The following ANK2 variants were observed in gnomAD, a reference collection of about 807,000 sequenced individuals.
ANK2 encodes ankyrin 2, also known as ankyrin-2.
A neutral mutation model predicts 360.5 loss-of-function variants in ANK2; 83 were observed. That is an observed-to-expected ratio of 0.23 (90% confidence interval 0.19 to 0.28). The LOEUF is 0.28. Ranked by LOEUF, ANK2 falls within the 10% of genes least tolerant of loss-of-function variation. The pLI is 1.00. For synonymous variants in ANK2, 1,740 were observed against 1,759.5 expected (o/e 0.99, Z 0.28); for missense variants, 4,201 against 4,795.7 (o/e 0.88, Z 3.66).
At chr4:113,242,019 G>A (rs1324931803) in intron 8 of ANK2, 92 bp from the exon 9 acceptor site, 3 of 1,012,170 alleles carry the variant, frequency 3.0e-6, no homozygotes, top group South Asian at 1.3e-5. Context: ...TACCACGTAG[G>A]TCACAACTTC....
At chr4:112,773,671 C>T in the ANK2 span, among the ~76,000 whole-genome samples, 1 of 152,198 alleles carries the variant, frequency 6.6e-6, no homozygotes, top group Non-Finnish European at 1.5e-5. Context: ...TCAACTTGTG[C>T]CAAGACAGTT....
the ANK2 span, chr4:112,798,670 T>C: frequency 6.6e-6 from 1 of 152,226 alleles, no homozygotes; most frequent in East Asian, 1.9e-4. Context: ...TGTGTAAAAG[T>C]AGAGTCCACT....
At chr4:112,735,550 C>T in the ANK2 span, among the ~76,000 whole-genome samples, 1 of 152,154 alleles carries the variant, frequency 6.6e-6, no homozygotes, top group Non-Finnish European at 1.5e-5. Flanking sequence ...TGCCACCCAT[C>T]TTCCCACAAG....
At chr4:112,785,182 G>C in the ANK2 span, among the ~76,000 whole-genome samples, 1 of 152,124 alleles carries the variant, frequency 6.6e-6, no homozygotes, top group Non-Finnish European at 1.5e-5. Flanking sequence ...GTACATCTGG[G>C]TTGTTGGTGG....
intron 2 of ANK2, among the ~76,000 whole-genome samples, chr4:113,181,398 T>C (rs1174398637): frequency 2.6e-5 from 4 of 152,164 alleles, no homozygotes; most frequent in Non-Finnish European, 5.9e-5. Context: ...CGCAGCATTT[T>C]TTTCTGCCGG....
chr4:112,732,683 G>T, the ANK2 span, among the ~76,000 whole-genome samples: 2 of 152,214 alleles, frequency 1.3e-5, no homozygotes, highest in African/African-American at 4.8e-5. Context: ...ACAATTGAGT[G>T]TTGGGACGCA....
chr4:113,104,417 T>G (rs377184944), intron 1 of ANK2, among the ~76,000 whole-genome samples: 1 of 152,112 alleles, frequency 6.6e-6, no homozygotes, highest in African/African-American at 2.4e-5. Flanking sequence ...GTGAAAAACA[T>G]GTATAATTTG....
chr4:113,284,782 T>C (rs1460934564), intron 18 of ANK2, among the ~76,000 whole-genome samples: 1 of 152,146 alleles, frequency 6.6e-6, no homozygotes, highest in Non-Finnish European at 1.5e-5. Context: ...TAATACAATA[T>C]ACAAAATTTA....
In ANK2 at chr4:112,997,302, A is replaced by G. The variant is rs887607848; in HGVS notation, c.21+92788A>G. On this transcript the variant is annotated intron_variant, in intron 2 of 30. Coordinates refer to the ANK2 transcript ENST00000503271. The stretch of plus-strand genomic sequence containing the variant: ...TCTCTTTAGCAATTTTCAAGTACAC[A>G]GTAAGTTGTTATTAACTAGAGTCAC... 4.6e-5 allele frequency among the ~76,000 whole-genome samples: 7 copies of G among 152,134 alleles called. 1 individual carries two copies. Among genetic ancestry groups the G allele is most frequent in the Non-Finnish European group, 8.8e-5 (6 of 67,996 alleles).
At chr4:112,763,579 C>G in the ANK2 span, among the ~76,000 whole-genome samples, 1 of 147,990 alleles carries the variant, frequency 6.8e-6, no homozygotes, top group Non-Finnish European at 1.5e-5. Context: ...GTTGCCCAGG[C>G]TGGAGTGCAG....
intron 4 of ANK2, among the ~76,000 whole-genome samples, chr4:113,210,117 GT>G (rs1230080501): frequency 6.6e-6 from 1 of 152,116 alleles, no homozygotes; most frequent in Non-Finnish European, 1.5e-5. Context: ...TGCTCATCAA[GT>G]TTCTTATTTA....
At chr4:113,170,897 G>T (rs552764801) in intron 1 of ANK2, among the ~76,000 whole-genome samples, 87 of 152,256 alleles carry the variant, frequency 5.7e-4, no homozygotes, top group African/African-American at 1.9e-3. Flanking sequence ...GATTAAAATA[G>T]GTGGGGCTCA....
intron 1 of ANK2, among the ~76,000 whole-genome samples, chr4:113,073,920 C>T (rs2078834771): frequency 6.6e-6 from 1 of 152,078 alleles, no homozygotes; most frequent in Non-Finnish European, 1.5e-5. Flanking sequence ...GCTGAAAATT[C>T]CATTAATGAT....
chr4:112,966,151 G>A (rs1231167784), intron 2 of ANK2, among the ~76,000 whole-genome samples: 2 of 151,540 alleles, frequency 1.3e-5, no homozygotes, highest in African/African-American at 4.8e-5. Context: ...AACTACTTCA[G>A]AAAGAAACTA....
intron 4 of ANK2, among the ~76,000 whole-genome samples, chr4:113,200,340 T>A (rs941657114): frequency 6.6e-6 from 1 of 152,212 alleles, no homozygotes; most frequent in African/African-American, 2.4e-5. Flanking sequence ...ACCTAAGTGA[T>A]TCAAAACTTT....
At chr4:112,875,422 C>T (rs1222490607) in intron 1 of ANK2, among the ~76,000 whole-genome samples, 3 of 151,960 alleles carry the variant, frequency 2.0e-5, no homozygotes, top group Non-Finnish European at 4.4e-5. Flanking sequence ...AAGTGATCCT[C>T]CTGGCTTAGC....
chr4:113,263,941 C>T (rs2054467996), intron 13 of ANK2, among the ~76,000 whole-genome samples: 2 of 152,124 alleles, frequency 1.3e-5, no homozygotes, highest in Admixed American at 6.5e-5. Context: ...TTCTCTTAAT[C>T]AAACCCTTGT....
intron 22 of ANK2, among the ~76,000 whole-genome samples, chr4:113,295,562 C>A (rs1165447807): frequency 1.3e-5 from 2 of 152,104 alleles, no homozygotes; most frequent in African/African-American, 2.4e-5. Context: ...CCTTTTAGAA[C>A]CCCCTCTGTG....
Position 113,357,070 on chromosome 4 carries a change from C to G in ANK2, c.8452C>G (p.His2818Asp), listed in dbSNP as rs2095834186. 6.2e-7 allele frequency: 1 copy of G among 1,613,918 alleles called. No homozygotes were observed. The highest frequency in any genetic ancestry group is 1.1e-5 in the South Asian group (1 of 91,070). The change falls in exon 38 of 46, where the codon CAT becomes GAT. Residue 2818 changes from histidine (H) to aspartate (D), a missense_variant. Physicochemically the swap from His to Asp is moderately conservative, Grantham distance 81 (BLOSUM62 -1). Around this residue, in one of 4 missense-constraint regions of ANK2, gnomAD observed 2,642 missense variants for 2,714.5 expected, o/e 0.97. Coordinates refer to ENST00000357077, the MANE Select transcript of ANK2 (RefSeq NM_001148.6). ...AGAATCATTAGCTCTCCAAGGCACT[C>G]ATGAAAAAGACACAGAGGGAGAAGA... ...YKESLALQGT[H>D]EKDTEGEELD...
Sources: allele counts gnomAD v4.1 joint callset (sites outside exome capture counted in the v4.1 genomes callset), GRCh38; gene constraint gnomAD v4.1.1; regional missense constraint gnomAD v4.1.1; transcripts MANE v1.5; gene names NCBI Gene and HGNC (gene_info 2026-07-23, HGNC 2026-07-21).